Variants in GRIA4 observed in about 807,000 individuals in gnomAD.
The protein encoded by GRIA4 is glutamate ionotropic receptor AMPA type subunit 4, also known as glutamate receptor 4.
In GRIA4, 34 loss-of-function variants were observed where a neutral mutation model predicts 104.0. That is an observed-to-expected ratio of 0.33 (90% CI 0.25 to 0.44). GRIA4 has a LOEUF of 0.44. Ranked by LOEUF, GRIA4 falls within the 20% of genes least tolerant of loss-of-function variation. GRIA4 has a pLI of 1.00. For missense variants in GRIA4, 750 were observed against 1,096.5 expected, an observed-to-expected ratio of 0.68 and a Z score of 4.46; for synonymous variants, 386 against 381.9, an observed-to-expected ratio of 1.01 and a Z score of -0.13.
chr11:105,629,643 AT>A (rs1193724091), intron 3 of GRIA4, among the ~76,000 whole-genome samples: 1 of 152,208 alleles, frequency 6.6e-6, no homozygotes, highest in Non-Finnish European at 1.5e-5. Flanking sequence ...CAAAAAGCAT[AT>A]ATTAACACTT....
intron 3 of GRIA4, among the ~76,000 whole-genome samples, chr11:105,695,602 C>T (rs545498464): frequency 2.0e-5 from 3 of 152,186 alleles, no homozygotes; most frequent in South Asian, 4.1e-4. Flanking sequence ...TAAACAATTC[C>T]AGTCAATCAA....
chr11:105,637,990 C>G (rs1475489780), intron 3 of GRIA4, among the ~76,000 whole-genome samples: 2 of 151,968 alleles, frequency 1.3e-5, no homozygotes, highest in African/African-American at 2.4e-5. Context: ...TATTTTTAAT[C>G]GTGTACAACA....
chr11:105,958,151 G>A (rs974847293), intron 14 of GRIA4, among the ~76,000 whole-genome samples: 1 of 152,166 alleles, frequency 6.6e-6, no homozygotes, highest in Non-Finnish European at 1.5e-5. Flanking sequence ...ACACTATGTT[G>A]AATAGGAGTG....
intron 11 of GRIA4, among the ~76,000 whole-genome samples, chr11:105,921,311 GTGT>G (rs1170343025): frequency 3.0e-5 from 4 of 133,730 alleles, no homozygotes; most frequent in African/African-American, 5.5e-5. Flanking sequence ...ACTTGGGTGT[GTGT>G]GTGTGTGTGT....
At chr11:105,719,752 C>T (rs929085829) in intron 3 of GRIA4, among the ~76,000 whole-genome samples, 3 of 151,030 alleles carry the variant, frequency 2.0e-5, no homozygotes, top group African/African-American at 7.3e-5. Flanking sequence ...TGCGTTCAGG[C>T]TCTATAGGGA....
At chr11:105,703,479 A>G (rs1953579892) in intron 3 of GRIA4, among the ~76,000 whole-genome samples, 3 of 152,172 alleles carry the variant, frequency 2.0e-5, no homozygotes, top group Admixed American at 6.5e-5. Context: ...AAAACCAATA[A>G]AGAAAAGTGT....
chr11:105,956,678 G>A (rs942120846), intron 14 of GRIA4, among the ~76,000 whole-genome samples: 1 of 152,254 alleles, frequency 6.6e-6, no homozygotes, highest in South Asian at 2.1e-4. Flanking sequence ...TTGAGGAATC[G>A]CCACACTGTC....
chr11:105,801,115 T>C (rs1942702508), intron 4 of GRIA4, among the ~76,000 whole-genome samples: 1 of 151,600 alleles, frequency 6.6e-6, no homozygotes, highest in Non-Finnish European at 1.5e-5. Flanking sequence ...CCTTAGAGAA[T>C]GAAATTAGGA....
intron 4 of GRIA4, among the ~76,000 whole-genome samples, chr11:105,755,428 C>G (rs902409612): frequency 6.6e-6 from 1 of 152,108 alleles, no homozygotes; most frequent in South Asian, 2.1e-4. Context: ...CCTCCATTTT[C>G]TTATTGCATT....
At chr11:105,634,184 T>TA (rs1951115364) in intron 3 of GRIA4, among the ~76,000 whole-genome samples, 1 of 151,592 alleles carries the variant, frequency 6.6e-6, no homozygotes, top group African/African-American at 2.4e-5. Flanking sequence ...CCGACTCTAC[T>TA]AAAAATACAA....
Position 105,980,219 on chromosome 11 carries a change from A to G in GRIA4, c.*480A>G, listed in dbSNP as rs896536387. On this transcript the variant is annotated 3_prime_UTR_variant, in exon 17 of 17. Coordinates refer to ENST00000282499, the MANE Select transcript of GRIA4 (RefSeq NM_000829.4). Reference sequence around the variant, plus strand: ...TCCAGCTGAGAAAACAAATCACTAAACTGTGATAAGAAAATAATGAACAAA... The same window carrying G: ...TCCAGCTGAGAAAACAAATCACTAAGCTGTGATAAGAAAATAATGAACAAA... 2 of 152,766 alleles carry G rather than the reference A, an allele frequency of 1.3e-5. No individual in the cohort carries two copies. The highest frequency in any genetic ancestry group is 2.9e-5 in the Non-Finnish European group (2 of 68,274). 9.5% of individuals were successfully genotyped at this position (152,766 alleles called of 1,614,324 possible).
chr11:105,804,361 C>CAA (rs1942855493), intron 4 of GRIA4, among the ~76,000 whole-genome samples: 1 of 151,500 alleles, frequency 6.6e-6, no homozygotes, highest in Non-Finnish European at 1.5e-5. Context: ...CATGCACACA[C>CAA]ACACACACAC....
chr11:105,660,575 A>G (rs1428774620), intron 3 of GRIA4, among the ~76,000 whole-genome samples: 2 of 151,672 alleles, frequency 1.3e-5, no homozygotes, highest in African/African-American at 2.4e-5. Flanking sequence ...GGTTCAGGAA[A>G]CAAGGAGAAC....
At chr11:105,742,957 G>A (rs1939407470) in intron 3 of GRIA4, among the ~76,000 whole-genome samples, 2 of 151,958 alleles carry the variant, frequency 1.3e-5, no homozygotes, top group African/African-American at 2.4e-5. Flanking sequence ...GGCTGGTCTC[G>A]GACTCCTGGC....
intron 4 of GRIA4, among the ~76,000 whole-genome samples, chr11:105,784,390 G>A (rs1238998781): frequency 6.6e-6 from 1 of 152,150 alleles, no homozygotes; most frequent in Non-Finnish European, 1.5e-5. Flanking sequence ...GATCAATAGT[G>A]AATATTCACA....
chr11:105,781,274 G>A (rs531673496), intron 4 of GRIA4, among the ~76,000 whole-genome samples: 1 of 152,128 alleles, frequency 6.6e-6, no homozygotes, highest in African/African-American at 2.4e-5. Flanking sequence ...TTGTTTCCCT[G>A]GTGTGTCTAC....
At chr11:105,621,936 T>C (rs1950757595) in intron 3 of GRIA4, among the ~76,000 whole-genome samples, 1 of 151,902 alleles carries the variant, frequency 6.6e-6, no homozygotes, top group Non-Finnish European at 1.5e-5. Context: ...TTACACATTT[T>C]TGGTTAATTG....
intron 3 of GRIA4, among the ~76,000 whole-genome samples, chr11:105,627,892 C>A (rs1185431752): frequency 2.0e-5 from 3 of 152,136 alleles, no homozygotes; most frequent in Non-Finnish European, 4.4e-5. Context: ...GCATCCGCCG[C>A]CTTTTTAAAG....
At chr11:105,793,427 A>G (rs1245549374) in intron 4 of GRIA4, among the ~76,000 whole-genome samples, 1 of 152,192 alleles carries the variant, frequency 6.6e-6, no homozygotes, top group Non-Finnish European at 1.5e-5. Flanking sequence ...CTGCTCCATC[A>G]GAGAAGAGAC....
Sources: allele counts gnomAD v4.1 joint callset (sites outside exome capture counted in the v4.1 genomes callset), GRCh38; gene constraint gnomAD v4.1.1; transcripts MANE v1.5; gene names NCBI Gene and HGNC (gene_info 2026-07-23, HGNC 2026-07-21).